The following TP53BP1 variants were observed in gnomAD, a reference collection of about 807,000 sequenced individuals.
The protein encoded by TP53BP1 is tumor protein p53 binding protein 1.
TP53BP1 carries 61 observed loss-of-function variants against 200.8 expected under a neutral mutation model. The observed-to-expected ratio is 0.30, with a 90% CI of 0.25 to 0.38. The LOEUF is 0.38. Among genes scored for constraint, TP53BP1 ranks in the 10% least tolerant of loss-of-function variants. TP53BP1 has a pLI of 1.00. For missense variants in TP53BP1, 2,144 were observed against 2,371.9 expected (o/e 0.90, Z 2.00); for synonymous variants, 822 against 844.3 (o/e 0.97, Z 0.46).
intron 16 of TP53BP1, among the ~76,000 whole-genome samples, chr15:43,437,976 G>A (rs1360909775): frequency 3.9e-5 from 6 of 152,184 alleles, no homozygotes; most frequent in Non-Finnish European, 5.9e-5. Flanking sequence ...TAGCTGCATC[G>A]TAACACGGTG....
chr15:43,428,119 T>C lies in TP53BP1; in HGVS notation c.3725A>G (p.His1242Arg), dbSNP rs1449770187. ...TTCCCGGATTGTTCTCATGTGACGA[T>C]GTAAGACATGGCCATGTGGAGGCTG... ...MPQPPHGHVL[H>R]RHMRTIREVR... Residue 1242 changes from histidine to arginine, a missense_variant, in exon 18 of 28, where the codon CAT becomes CGT. Around this residue, in one of 4 missense-constraint regions of TP53BP1, gnomAD observed 1,700 missense variants for 1,710.3 expected, o/e 0.99. Coordinates refer to ENST00000382044, the MANE Select transcript of TP53BP1 (RefSeq NM_001141980.3). 3.7e-6 allele frequency: 6 copies of C among 1,613,808 alleles called. No homozygotes were observed. The highest frequency in any genetic ancestry group is 5.1e-6 in the Non-Finnish European group (6 of 1,179,794).
intron 4 of TP53BP1, among the ~76,000 whole-genome samples, chr15:43,490,519 C>T (rs2079107274): frequency 6.6e-6 from 1 of 152,058 alleles, no homozygotes; most frequent in African/African-American, 2.4e-5. Flanking sequence ...CCACTGCGCC[C>T]AGCCAAAAAC....
At chr15:43,486,233 G>A (rs1360557431) in intron 4 of TP53BP1, among the ~76,000 whole-genome samples, 4 of 151,662 alleles carry the variant, frequency 2.6e-5, no homozygotes, top group African/African-American at 9.7e-5. Flanking sequence ...AAAATTAGCC[G>A]GGCATGGTGG....
chr15:43,409,633 A>G lies in TP53BP1; in HGVS notation c.5400+14T>C, dbSNP rs777797466. The G allele has an allele frequency of 2.2e-5, 33 of 1,477,942 alleles. No individual in the cohort carries two copies. The highest frequency in any genetic ancestry group is 2.9e-5 in the African/African-American group (2 of 69,760). The allele number at this position is 1,477,942 out of a possible 1,614,324, so 91.6% of individuals were successfully genotyped here. ...CATTGCCACTATATTAGGTTACACA[A>G]AGAAACTCCTCACCTGGGCTTCATT... On this transcript the variant is annotated intron_variant, in intron 25 of 27. Transcript: ENST00000382044.
chr15:43,508,086 G>T (rs2079247815), intron 1 of TP53BP1, among the ~76,000 whole-genome samples: 1 of 152,220 alleles, frequency 6.6e-6, no homozygotes, highest in South Asian at 2.1e-4. Flanking sequence ...TCTGGGCCGG[G>T]CACGGTGGCC....
rs1035643528 is a variant in TP53BP1 at position 43,504,002 on chromosome 15, G to A, written c.-9+6368C>T. Among the ~76,000 whole-genome samples the A allele has an allele frequency of 3.3e-5, 5 of 152,238 alleles. No homozygotes were observed. In the East Asian group the frequency reaches 7.7e-4, roughly 23 times the overall value. On this transcript the variant is annotated intron_variant, in intron 1 of 27. Transcript: ENST00000263801. ...AAGAGACAATTTAATGCATACGGGA[G>A]GGCCAGGAATGGTGGCTAAAGCCTG...
intron 4 of TP53BP1, among the ~76,000 whole-genome samples, chr15:43,481,890 G>A (rs2078974236): frequency 6.6e-6 from 1 of 151,274 alleles, no homozygotes; most frequent in Non-Finnish European, 1.5e-5. Flanking sequence ...GCTTACTGCA[G>A]CCTTGAACTA....
chr15:43,411,154 T>C (rs895323334), intron 24 of TP53BP1, among the ~76,000 whole-genome samples: 1 of 152,204 alleles, frequency 6.6e-6, no homozygotes, highest in Non-Finnish European at 1.5e-5. Flanking sequence ...CTAATTATAT[T>C]TCCTTAATTT....
At chr15:43,464,818 G>T (rs1204911353) in intron 11 of TP53BP1, among the ~76,000 whole-genome samples, 1 of 152,072 alleles carries the variant, frequency 6.6e-6, no homozygotes, top group African/African-American at 2.4e-5. Context: ...TAAGGCAGGA[G>T]AATCGCTTGA....
intron 11 of TP53BP1, among the ~76,000 whole-genome samples, chr15:43,468,853 C>T (rs997872401): frequency 6.6e-6 from 1 of 152,150 alleles, no homozygotes; most frequent in African/African-American, 2.4e-5. Context: ...ACTCTAGAGT[C>T]CTCATTTTTA....
intron 11 of TP53BP1, among the ~76,000 whole-genome samples, chr15:43,464,639 C>G (rs1053686789): frequency 6.6e-6 from 1 of 152,140 alleles, no homozygotes; most frequent in African/African-American, 2.4e-5. Flanking sequence ...CGTGGTGGCT[C>G]ATGCCTGTAA....
intron 17 of TP53BP1, 98 bp from the exon 18 acceptor site, chr15:43,428,266 T>C (rs760544768): frequency 9.6e-6 from 10 of 1,041,444 alleles, no homozygotes; most frequent in Admixed American, 6.6e-5. Context: ...AGAGGCTCCA[T>C]GAATCTAGTG....
chr15:43,467,591 C>T (rs1300027273), intron 11 of TP53BP1, among the ~76,000 whole-genome samples: 1 of 152,008 alleles, frequency 6.6e-6, no homozygotes, highest in African/African-American at 2.4e-5. Context: ...TTCAACAGTG[C>T]CTTGTTTTTC....
intron 1 of TP53BP1, among the ~76,000 whole-genome samples, chr15:43,498,254 G>A (rs12911740): frequency 0.17 from 26,591 of 152,102 alleles, 2,504 homozygotes; most frequent in Middle Eastern, 0.27. Context: ...TGATCTCAAA[G>A]TATCTCCCTA....
At chr15:43,414,047 C>T (rs921280624) in intron 23 of TP53BP1, 4 of 452,406 alleles carry the variant, frequency 8.8e-6, no homozygotes. Flanking sequence ...AAAACAGATA[C>T]CTGACCTGGA....
chr15:43,435,528 T>C (rs2142999865), intron 16 of TP53BP1, among the ~76,000 whole-genome samples: 1 of 152,252 alleles, frequency 6.6e-6, no homozygotes, highest in Middle Eastern at 3.4e-3. Context: ...AGCTGGGTCA[T>C]TACTACACCA....
chr15:43,438,756 A>AAAAAAAAAT (rs2045859164), intron 15 of TP53BP1, among the ~76,000 whole-genome samples: 3 of 140,390 alleles, frequency 2.1e-5, no homozygotes, highest in African/African-American at 8.0e-5. Flanking sequence ...AAAAAAAAAA[A>AAAAAAAAAT]GACTGGAGGG....
intron 16 of TP53BP1, among the ~76,000 whole-genome samples, chr15:43,436,958 C>G (rs1036137689): frequency 6.6e-6 from 1 of 151,174 alleles, no homozygotes; most frequent in African/African-American, 2.4e-5. Flanking sequence ...GCCCAGGCGT[C>G]TGAGACCAGC....
intron 1 of TP53BP1, among the ~76,000 whole-genome samples, chr15:43,503,805 T>C (rs990951215): frequency 5.9e-5 from 9 of 152,216 alleles, no homozygotes; most frequent in African/African-American, 1.7e-4. Context: ...GCCTTCCCTA[T>C]ATGTGGATTC....
Sources: gnomAD v4.1 joint callset for allele counts (sites outside exome capture counted in the v4.1 genomes callset) on GRCh38, gnomAD v4.1.1 for gene constraint, gnomAD v4.1.1 regional missense constraint, MANE v1.5 for transcripts, NCBI Gene and HGNC (gene_info 2026-07-23, HGNC 2026-07-21) for gene names.